Variants in PIGN observed in about 807,000 individuals in gnomAD.
PIGN encodes the protein phosphatidylinositol glycan anchor biosynthesis class N, also known as GPI ethanolamine phosphate transferase 1.
PIGN carries 117 observed loss-of-function variants against 125.4 expected under a neutral mutation model. That is an observed-to-expected ratio of 0.93 (90% CI 0.80 to 1.09). The LOEUF (loss-of-function observed/expected upper bound fraction) is 1.09, where lower values mean the gene tolerates loss of function less well. PIGN is among the 50% of genes least tolerant of loss of function. The pLI is 0.00. For synonymous variants in PIGN, 392 were observed against 377.8 expected (o/e 1.04, Z -0.44); for missense variants, 1,075 against 1,094.9 (o/e 0.98, Z 0.26).
exon 24 of PIGN, chr18:62,017,662 C>T (rs2029997524): frequency 6.6e-6 from 1 of 152,114 alleles, no homozygotes; most frequent in South Asian, 2.1e-4. Flanking sequence ...TCATCCGAGA[C>T]CATGGCCTTC....
At chr18:62,110,356 A>G (rs17069472) in intron 16 of PIGN, among the ~76,000 whole-genome samples, 4,086 of 152,234 alleles carry the variant, frequency 0.027, 181 homozygotes, top group African/African-American at 0.093. Flanking sequence ...TATGGGACTT[A>G]ATTATCATTT....
intron 30 of PIGN, among the ~76,000 whole-genome samples, chr18:62,068,755 C>T (rs2032670418): frequency 6.6e-6 from 1 of 152,212 alleles, no homozygotes; most frequent in Non-Finnish European, 1.5e-5. Context: ...CTGGCCACTT[C>T]TTTCAGCCTT....
chr18:62,062,547 G>T (rs2032215045), intron 30 of PIGN, among the ~76,000 whole-genome samples: 1 of 151,692 alleles, frequency 6.6e-6, no homozygotes, highest in South Asian at 2.1e-4. Context: ...TGTATAGATG[G>T]GGGTGTAATG....
chr18:62,102,905 G>A lies in PIGN; in HGVS notation c.1860-3C>T. 1 of 1,494,280 alleles carries A rather than the reference G, an allele frequency of 6.7e-7. No homozygotes were observed. The highest frequency in any genetic ancestry group is 9.0e-7 in the Non-Finnish European group (1 of 1,109,730). 92.6% of individuals were successfully genotyped at this position (1,494,280 alleles called of 1,614,324 possible). A position where few individuals can be genotyped will look rare whatever the true frequency, so the allele number is the denominator to read the frequency against. On this transcript the variant is annotated splice_region_variant and splice_polypyrimidine_tract_variant and intron_variant, in intron 20 of 30. Transcript: ENST00000640252. ...GAACCAGCAAGCCTGCACCCATCCT[G>A]TTTTGAAATACAATTAATTTTAAAT...
At chr18:62,131,589 T>G (rs1371433878) in intron 14 of PIGN, among the ~76,000 whole-genome samples, 2 of 152,198 alleles carry the variant, frequency 1.3e-5, no homozygotes, top group Admixed American at 1.3e-4. Context: ...CAGTTCTCTT[T>G]ATCAGAATGG....
intron 7 of PIGN, among the ~76,000 whole-genome samples, chr18:62,152,166 A>G (rs2036560892): frequency 1.3e-5 from 2 of 152,218 alleles, no homozygotes; most frequent in Non-Finnish European, 2.9e-5. Flanking sequence ...GAGTTTCTCT[A>G]AAGACTTGGG....
chr18:62,031,923 T>C (rs755901976), intron 23 of PIGN, among the ~76,000 whole-genome samples: 5 of 152,182 alleles, frequency 3.3e-5, no homozygotes, highest in Admixed American at 6.5e-5. Flanking sequence ...CAGGTACCAG[T>C]AGAGTGCTGC....
At chr18:62,150,917 G>C (rs1010897080) in intron 7 of PIGN, among the ~76,000 whole-genome samples, 2 of 151,926 alleles carry the variant, frequency 1.3e-5, no homozygotes, top group African/African-American at 2.4e-5. Context: ...GGCCAGGATG[G>C]TCTCAATCTC....
chr18:62,036,850 C>T (rs532050131), downstream of PIGN, among the ~76,000 whole-genome samples: 3 of 152,284 alleles, frequency 2.0e-5, no homozygotes, highest in South Asian at 4.2e-4. Context: ...CTTCCTTGAC[C>T]TGGGACACGT....
At chr18:62,047,569 G>A (rs759018806) in intron 30 of PIGN, among the ~76,000 whole-genome samples, 2 of 152,158 alleles carry the variant, frequency 1.3e-5, no homozygotes, top group Admixed American at 6.5e-5. Context: ...GCAGGGTGCC[G>A]TAACGCTGGT....
intron 30 of PIGN, among the ~76,000 whole-genome samples, chr18:62,048,622 GAA>G (rs34476400): frequency 6.9e-5 from 10 of 145,296 alleles, no homozygotes; most frequent in Non-Finnish European, 1.1e-4. Flanking sequence ...ATTCACAGAT[GAA>G]AAAAAAAAAC....
At chr18:62,128,751 A>C (rs1599587143) in intron 14 of PIGN, among the ~76,000 whole-genome samples, 2 of 152,300 alleles carry the variant, frequency 1.3e-5, no homozygotes, top group East Asian at 3.9e-4. Flanking sequence ...CTATAAGCCC[A>C]TTATTTCTAG....
intron 14 of PIGN, among the ~76,000 whole-genome samples, chr18:62,123,781 T>C (rs1311298987): frequency 1.3e-5 from 2 of 152,130 alleles, no homozygotes; most frequent in African/African-American, 4.8e-5. Context: ...TTGGTTCCTA[T>C]GTTAGGAAAA....
chr18:62,133,996 G>T (rs1218035984), intron 14 of PIGN, among the ~76,000 whole-genome samples: 1 of 152,022 alleles, frequency 6.6e-6, no homozygotes, highest in Non-Finnish European at 1.5e-5. Context: ...TGATGACTGG[G>T]GGTACTTTTT....
intron 23 of PIGN, among the ~76,000 whole-genome samples, chr18:62,023,663 T>G (rs1231038130): frequency 2.0e-5 from 3 of 152,256 alleles, no homozygotes; most frequent in African/African-American, 4.8e-5. Context: ...TGGGCTTTTT[T>G]GCTGCAATTT....
chr18:62,032,298 G>A (rs1361711951), intron 23 of PIGN, among the ~76,000 whole-genome samples: 1 of 152,156 alleles, frequency 6.6e-6, no homozygotes, highest in Non-Finnish European at 1.5e-5. Context: ...AACTTCAATT[G>A]CTTAAAAATA....
intron 14 of PIGN, among the ~76,000 whole-genome samples, chr18:62,131,562 A>G (rs1047338917): frequency 6.6e-6 from 1 of 152,136 alleles, no homozygotes; most frequent in African/African-American, 2.4e-5. Context: ...TTTTAGCTTC[A>G]GGTGTTTGTT....
chr18:62,154,766 G>A, intron 6 of PIGN, 115 bp from the exon 7 acceptor site: 2 of 645,378 alleles, frequency 3.1e-6, no homozygotes, highest in Non-Finnish European at 5.5e-6. Context: ...ACAAAGCATT[G>A]TTCATTATGA....
In PIGN at chr18:62,186,967, G is replaced by C. The variant is rs2038088153; in HGVS notation, c.-359C>G. ...CTACCCACTGAAGCGATAGCCGGGA[G>C]GGTATTCCTAAGCCACCACTACAAC... On this transcript the variant is annotated 5_prime_UTR_variant, in exon 1 of 31. Coordinates refer to ENST00000640252, the MANE Select transcript of PIGN (RefSeq NM_176787.5). 1 of 152,408 alleles carries C rather than the reference G, an allele frequency of 6.6e-6. No individual in the cohort carries two copies. The highest frequency in any genetic ancestry group is 6.5e-5 in the Admixed American group (1 of 15,284). 9.4% of individuals were successfully genotyped at this position (152,408 alleles called of 1,614,324 possible). A position where few individuals can be genotyped will look rare whatever the true frequency, so the allele number is the denominator to read the frequency against.
Sources: allele counts gnomAD v4.1 joint callset (sites outside exome capture counted in the v4.1 genomes callset), GRCh38; gene constraint gnomAD v4.1.1; transcripts MANE v1.5; gene names NCBI Gene and HGNC (gene_info 2026-07-23, HGNC 2026-07-21).